The following IGF2BP2 variants were observed in gnomAD, a reference collection of about 807,000 sequenced individuals.
IGF2BP2 encodes insulin like growth factor 2 mRNA binding protein 2.
A neutral mutation model predicts 75.8 loss-of-function variants in IGF2BP2; 17 were observed. The ratio of observed to expected loss-of-function variants is 0.22; its 90% confidence interval spans 0.15 to 0.34. The LOEUF (loss-of-function observed/expected upper bound fraction) is 0.34, where lower values mean the gene tolerates loss of function less well. Ranked by LOEUF, IGF2BP2 falls within the 10% of genes least tolerant of loss-of-function variation. The pLI is 1.00. For synonymous variants in IGF2BP2, 288 were observed against 295.6 expected, an observed-to-expected ratio of 0.97 and a Z score of 0.26; for missense variants, 516 against 772.4, an observed-to-expected ratio of 0.67 and a Z score of 3.93.
chr3:185,664,001 T>G (rs1004790109), intron 10 of IGF2BP2, among the ~76,000 whole-genome samples: 1 of 152,220 alleles, frequency 6.6e-6, no homozygotes. Flanking sequence ...GTGCTCCCTC[T>G]GGGCACCAGG....
rs991962953 is a variant in IGF2BP2 at position 185,824,765 on chromosome 3, G to C, written c.178+18C>G. The C allele has an allele frequency of 1.5e-6, 2 of 1,319,842 alleles. No individual in the cohort carries two copies. The highest frequency in any genetic ancestry group is 2.0e-6 in the Non-Finnish European group (2 of 1,014,780). The allele number at this position is 1,319,842 out of a possible 1,614,324, so 81.8% of individuals were successfully genotyped here. A position where few individuals can be genotyped will look rare whatever the true frequency, so the allele number is the denominator to read the frequency against. ...GAGCGGGGCGAGGCGGGGGGAGGGGGCCGCGCTGAGTGCTCACCCGAGAGG... is the reference window on the plus strand; with the variant it reads ...GAGCGGGGCGAGGCGGGGGGAGGGGCCCGCGCTGAGTGCTCACCCGAGAGG... On this transcript the variant is annotated intron_variant, in intron 1 of 15. Coordinates refer to ENST00000382199, the MANE Select transcript of IGF2BP2 (RefSeq NM_006548.6).
chr3:185,683,406 C>G (rs965240880), intron 7 of IGF2BP2, among the ~76,000 whole-genome samples: 3 of 151,244 alleles, frequency 2.0e-5, no homozygotes, highest in African/African-American at 7.4e-5. Context: ...TAAAAATGAT[C>G]AATAATTTTT....
intron 13 of IGF2BP2, among the ~76,000 whole-genome samples, chr3:185,650,087 T>G (rs553453648): frequency 6.7e-6 from 1 of 149,874 alleles, no homozygotes; most frequent in African/African-American, 2.5e-5. Context: ...ATGTTTTCAT[T>G]CTTTTTTTTT....
At chr3:185,764,676 G>A (rs953888754) in intron 2 of IGF2BP2, among the ~76,000 whole-genome samples, 2 of 152,176 alleles carry the variant, frequency 1.3e-5, no homozygotes, top group African/African-American at 4.8e-5. Context: ...CCTAAAAATA[G>A]GCAATTACCA....
In IGF2BP2 at chr3:185,647,166, G is replaced by A; in HGVS notation, c.1594-28C>T. On this transcript the variant is annotated intron_variant, in intron 14 of 15. Transcript: ENST00000382199. This position sits in a 1 kb window ranked among gnomAD's most constrained non-coding sequence, Gnocchi z 4.9. ...GTGAAGGGAGAAACGGCAACGGGTT[G>A]GATAGGTTCCCTCCCCGTCAACGTG... The A allele has an allele frequency of 1.3e-6, 2 of 1,535,718 alleles. No homozygotes were observed. The highest frequency in any genetic ancestry group is 1.8e-6 in the Non-Finnish European group (2 of 1,108,502).
intron 7 of IGF2BP2, among the ~76,000 whole-genome samples, chr3:185,684,537 T>C (rs1434697027): frequency 6.6e-6 from 1 of 152,162 alleles, no homozygotes; most frequent in East Asian, 1.9e-4. Context: ...CCCAAGTAGC[T>C]GGGACTTCAG....
At chr3:185,701,922 C>T (rs1723361340) in intron 2 of IGF2BP2, among the ~76,000 whole-genome samples, 2 of 152,162 alleles carry the variant, frequency 1.3e-5, no homozygotes, top group Admixed American at 1.3e-4. Flanking sequence ...ATCATCTGGA[C>T]AGTATGCCTT....
At chr3:185,792,124 C>T (rs1736717919) in intron 2 of IGF2BP2, among the ~76,000 whole-genome samples, 1 of 152,212 alleles carries the variant, frequency 6.6e-6, no homozygotes, top group Admixed American at 6.5e-5. Context: ...ACTACTACTG[C>T]TACCATCGGC....
intron 2 of IGF2BP2, among the ~76,000 whole-genome samples, chr3:185,746,987 G>T (rs373036925): frequency 6.6e-6 from 1 of 152,108 alleles, no homozygotes; most frequent in East Asian, 1.9e-4. Context: ...GATTGGACAA[G>T]AGGCAAAATC....
intron 12 of IGF2BP2, among the ~76,000 whole-genome samples, chr3:185,656,295 C>CAA (rs1472592145): frequency 6.6e-6 from 1 of 152,256 alleles, no homozygotes; most frequent in East Asian, 1.9e-4. Context: ...TCAGGGCTCT[C>CAA]ATCCTGTCTG....
At chr3:185,694,023 T>C (rs1722267810) in intron 4 of IGF2BP2, among the ~76,000 whole-genome samples, 1 of 152,222 alleles carries the variant, frequency 6.6e-6, no homozygotes, top group Admixed American at 6.5e-5. Context: ...TTAAAAATAC[T>C]GTTTGTTAAA....
At position 185,674,058 on chromosome 3, in the gene IGF2BP2, G is replaced by A. The variant is rs563148843; in HGVS notation, c.1071+1238C>T. On this transcript the variant is annotated intron_variant, in intron 9 of 15. Coordinates refer to ENST00000382199, the MANE Select transcript of IGF2BP2 (RefSeq NM_006548.6). ...TCACACCTCATAATTGTCATGTGAC[G>A]TGGGCTGCTAAGGTGGGGGTCGGGG... 6.6e-5 allele frequency among the ~76,000 whole-genome samples: 10 copies of A among 152,328 alleles called. No individual in the cohort carries two copies. The East Asian group carries it at 1.9e-3, about 29-fold the overall frequency.
At chr3:185,658,478 GAT>G in intron 10 of IGF2BP2, 69 bp from the exon 11 acceptor site, 5 of 1,331,698 alleles carry the variant, frequency 3.8e-6, no homozygotes, top group South Asian at 1.3e-5. Flanking sequence ...AGGGAGGCCA[GAT>G]TCCCAACATG....
chr3:185,654,317 G>A (rs1449029121), intron 12 of IGF2BP2, among the ~76,000 whole-genome samples: 1 of 152,168 alleles, frequency 6.6e-6, no homozygotes, highest in East Asian at 1.9e-4. Context: ...CACAGAGCCT[G>A]GCCATTGAGA....
intron 2 of IGF2BP2, among the ~76,000 whole-genome samples, chr3:185,808,339 G>C (rs1739333946): frequency 6.6e-6 from 1 of 151,696 alleles, no homozygotes; most frequent in African/African-American, 2.4e-5. Context: ...AATTAGCTGA[G>C]TGTGGTGGCA....
intron 2 of IGF2BP2, among the ~76,000 whole-genome samples, chr3:185,725,231 C>T (rs1727149199): frequency 1.3e-5 from 2 of 152,288 alleles, no homozygotes; most frequent in South Asian, 4.1e-4. Context: ...TTTTATGCCA[C>T]TTTGTTTGGG....
At chr3:185,649,020 C>T (rs1440813002) in intron 14 of IGF2BP2, among the ~76,000 whole-genome samples, 1 of 151,356 alleles carries the variant, frequency 6.6e-6, no homozygotes, top group Non-Finnish European at 1.5e-5. Flanking sequence ...CGGTGGGAAT[C>T]CCCCCTTTCC....
intron 6 of IGF2BP2, among the ~76,000 whole-genome samples, chr3:185,688,171 C>T (rs1721409570): frequency 6.6e-6 from 1 of 152,180 alleles, no homozygotes; most frequent in Non-Finnish European, 1.5e-5. Flanking sequence ...TTTCAGGTTA[C>T]AAGACACCCA....
At chr3:185,735,921 G>A (rs545229074) in intron 2 of IGF2BP2, among the ~76,000 whole-genome samples, 8 of 152,218 alleles carry the variant, frequency 5.3e-5, no homozygotes, top group African/African-American at 1.9e-4. Context: ...CACAGAAAAC[G>A]GGGGAGAAGA....
Sources: allele counts gnomAD v4.1 joint callset (sites outside exome capture counted in the v4.1 genomes callset), GRCh38; gene constraint gnomAD v4.1.1; non-coding constraint Gnocchi (gnomAD v3.1); transcripts MANE v1.5; gene names NCBI Gene and HGNC (gene_info 2026-07-23, HGNC 2026-07-21).